CREB5: variants seen among roughly 807,000 people sequenced by gnomAD.
CREB5 encodes cyclic AMP-responsive element-binding protein 5.
In CREB5, 19 loss-of-function variants were observed where a neutral mutation model predicts 57.1. The observed-to-expected ratio is 0.33, with a 90% confidence interval of 0.23 to 0.49. CREB5 has a LOEUF of 0.49. CREB5 is among the 20% of genes least tolerant of loss of function. The probability of loss-of-function intolerance (pLI) is 0.99; values close to 1 mark genes in which losing one functional copy is unlikely to be tolerated. For missense variants in CREB5, 579 were observed against 671.6 expected (o/e 0.86, Z 1.52); for synonymous variants, 238 against 238.3 (o/e 1.00, Z 0.01).
intron 5 of CREB5, among the ~76,000 whole-genome samples, chr7:28,655,745 T>C (rs537629275): frequency 2.0e-5 from 3 of 152,360 alleles, no homozygotes; most frequent in African/African-American, 7.2e-5. Flanking sequence ...ATAAAAGGTT[T>C]CTGTTAGTCG....
At chr7:28,741,682 CA>C (rs1230841165) in intron 7 of CREB5, among the ~76,000 whole-genome samples, 1 of 152,162 alleles carries the variant, frequency 6.6e-6, no homozygotes, top group South Asian at 2.1e-4. Context: ...GATCGTATGA[CA>C]ATCAAAATTA....
At chr7:28,672,457 A>T (rs943373817) in intron 5 of CREB5, among the ~76,000 whole-genome samples, 3 of 152,146 alleles carry the variant, frequency 2.0e-5, no homozygotes, top group African/African-American at 7.2e-5. Flanking sequence ...GAAAAAAAAA[A>T]TGCTCTTTTC....
intron 1 of CREB5, among the ~76,000 whole-genome samples, chr7:28,442,043 T>C (rs951914067): frequency 1.3e-5 from 2 of 152,154 alleles, no homozygotes; most frequent in African/African-American, 2.4e-5. Flanking sequence ...CCAGAACTTA[T>C]TCCTCCTAAC....
chr7:28,326,734 G>T (rs548613629), intron 1 of CREB5, among the ~76,000 whole-genome samples: 2 of 152,258 alleles, frequency 1.3e-5, no homozygotes, highest in South Asian at 4.2e-4. Context: ...GGTTGAGGTT[G>T]CATATAATTC....
intron 2 of CREB5, among the ~76,000 whole-genome samples, chr7:28,489,282 C>CATTGAGG (rs1418247029): frequency 7.0e-6 from 1 of 142,272 alleles, no homozygotes; most frequent in African/African-American, 2.6e-5. Flanking sequence ...AAGAAGGATT[C>CATTGAGG]ATTGAGGACC....
intron 5 of CREB5, among the ~76,000 whole-genome samples, chr7:28,669,986 A>G (rs1490931960): frequency 6.6e-6 from 1 of 152,182 alleles, no homozygotes; most frequent in Non-Finnish European, 1.5e-5. Context: ...ATCCCCTTTG[A>G]CCGTGTTCTC....
At chr7:28,645,942 G>T (rs1798872513) in intron 5 of CREB5, among the ~76,000 whole-genome samples, 1 of 152,164 alleles carries the variant, frequency 6.6e-6, no homozygotes, top group Non-Finnish European at 1.5e-5. Flanking sequence ...AGGTGAATTT[G>T]CTCTCTGAGC....
intron 5 of CREB5, among the ~76,000 whole-genome samples, chr7:28,633,087 GAT>G (rs1029247871): frequency 3.3e-5 from 5 of 152,120 alleles, no homozygotes; most frequent in African/African-American, 4.8e-5. Flanking sequence ...TCACCTTTCT[GAT>G]AAACACATGA....
In CREB5 at chr7:28,751,744, T is replaced by A. The variant is rs1434982063; in HGVS notation, c.702+27412T>A. On this transcript the variant is annotated intron_variant, in intron 7 of 10. Transcript: ENST00000357727. ...ACCAAAACCAGGAAATTAACATTGG[T>A]GCAATGTTATTAACTAAACTTCAGA... 3.3e-5 allele frequency among the ~76,000 whole-genome samples: 5 copies of A among 152,348 alleles called. 1 individual carries two copies. Among genetic ancestry groups the A allele is most frequent in the South Asian group, 4.1e-4 (2 of 4,828 alleles).
chr7:28,752,363 C>T (rs549586511), intron 7 of CREB5, among the ~76,000 whole-genome samples: 11 of 152,266 alleles, frequency 7.2e-5, no homozygotes, highest in African/African-American at 2.6e-4. Flanking sequence ...GATGGGGTTT[C>T]ACCATGTTGG....
chr7:28,594,370 A>T (rs921694209), intron 5 of CREB5, among the ~76,000 whole-genome samples: 1 of 152,162 alleles, frequency 6.6e-6, no homozygotes, highest in Non-Finnish European at 1.5e-5. Context: ...GGTAAGGTAA[A>T]TCTAGTTACC....
chr7:28,385,104 A>C (rs1787060476), intron 1 of CREB5, among the ~76,000 whole-genome samples: 1 of 152,212 alleles, frequency 6.6e-6, no homozygotes, highest in African/African-American at 2.4e-5. Flanking sequence ...CTCATAGTTT[A>C]AAAGAAATAA....
chr7:28,636,352 T>A (rs1798416906), intron 5 of CREB5, among the ~76,000 whole-genome samples: 1 of 152,112 alleles, frequency 6.6e-6, no homozygotes, highest in Non-Finnish European at 1.5e-5. Flanking sequence ...GGGATTATCA[T>A]CACACATGAA....
intron 5 of CREB5, among the ~76,000 whole-genome samples, chr7:28,706,127 G>A (rs1296176268): frequency 1.3e-5 from 2 of 152,210 alleles, no homozygotes. Context: ...GGCCGAGGCG[G>A]GTAGATCACC....
At chr7:28,531,402 T>C (rs1793722666) in intron 4 of CREB5, among the ~76,000 whole-genome samples, 1 of 152,182 alleles carries the variant, frequency 6.6e-6, no homozygotes, top group Admixed American at 6.5e-5. Flanking sequence ...TACTTGTAGA[T>C]GCATCACTCC....
chr7:28,825,195 T>C lies in CREB5; in HGVS notation c.*5916T>C, dbSNP rs1044600251. ...TACAGGAGATAATGAAAGGTATCAG[T>C]TGTGTTGAGTGGAGGGAGTTTAAGA... On this transcript the variant is annotated 3_prime_UTR_variant, in exon 11 of 11. Coordinates refer to ENST00000357727, the MANE Select transcript of CREB5 (RefSeq NM_182898.4). 1.3e-5 allele frequency: 2 copies of C among 152,622 alleles called. No homozygotes were observed. The highest frequency in any genetic ancestry group is 2.9e-5 in the Non-Finnish European group (2 of 68,034). 9.5% of individuals were successfully genotyped at this position (152,622 alleles called of 1,614,324 possible). A position where few individuals can be genotyped will look rare whatever the true frequency, so the allele number is the denominator to read the frequency against.
At chr7:28,464,407 C>T (rs368252474) in intron 1 of CREB5, among the ~76,000 whole-genome samples, 6 of 151,356 alleles carry the variant, frequency 4.0e-5, no homozygotes, top group South Asian at 4.2e-4. Flanking sequence ...GAAAAATTTT[C>T]GAACTATTGG....
At chr7:28,797,266 A>G (rs929734982) in intron 7 of CREB5, among the ~76,000 whole-genome samples, 2 of 152,166 alleles carry the variant, frequency 1.3e-5, no homozygotes, top group Non-Finnish European at 2.9e-5. Context: ...TTTCTGAAAT[A>G]CCATCCTTAC....
chr7:28,731,417 G>A (rs577035280), intron 7 of CREB5, among the ~76,000 whole-genome samples: 71 of 152,140 alleles, frequency 4.7e-4, no homozygotes, highest in Non-Finnish European at 9.6e-4. Flanking sequence ...ATATACATTC[G>A]ATTATGTGTC....
Sources: allele counts gnomAD v4.1 joint callset (sites outside exome capture counted in the v4.1 genomes callset), GRCh38; gene constraint gnomAD v4.1.1; transcripts MANE v1.5; gene names NCBI Gene and HGNC (gene_info 2026-07-23, HGNC 2026-07-21).